The following COL5A1 variants were observed in gnomAD, a reference collection of about 807,000 sequenced individuals.
COL5A1 encodes the protein collagen alpha-1(V) chain.
In COL5A1, 16 loss-of-function variants were observed where a neutral mutation model predicts 263.7. That is an observed-to-expected ratio of 0.06 (90% CI 0.04 to 0.09). COL5A1 has a LOEUF of 0.09. COL5A1 is among the 10% of genes least tolerant of loss of function. The pLI is 1.00. For missense variants in COL5A1, 2,036 were observed against 2,540.5 expected, an observed-to-expected ratio of 0.80 and a Z score of 4.27; for synonymous variants, 1,012 against 1,004.5, an observed-to-expected ratio of 1.01 and a Z score of -0.14.
rs1830103363 is a variant in COL5A1 at position 134,841,571 on chromosome 9, G to A, written c.5371-586G>A. Among the ~76,000 whole-genome samples, 1 of 152,172 alleles carries A rather than the reference G, an allele frequency of 6.6e-6. No individual in the cohort carries two copies. Among genetic ancestry groups the A allele is most frequent in the Non-Finnish European group, 1.5e-5 (1 of 68,028 alleles). On this transcript the variant is annotated intron_variant, in intron 65 of 65. Transcript: ENST00000371817. This position sits in a 1 kb window ranked among gnomAD's most constrained non-coding sequence, Gnocchi z 4.8. Reference sequence around the variant, plus strand: ...CTAAGACTCCTCTAGACCAGATGGTGTGGAAGGTCCCCACCCCTTCCCATA... The same window carrying A: ...CTAAGACTCCTCTAGACCAGATGGTATGGAAGGTCCCCACCCCTTCCCATA...
At chr9:134,770,185 T>A (rs1836824108) in intron 25 of COL5A1, among the ~76,000 whole-genome samples, 1 of 152,268 alleles carries the variant, frequency 6.6e-6, no homozygotes, top group Admixed American at 6.5e-5. Flanking sequence ...TTAAAAATTC[T>A]CCTTTGCAAA....
chr9:134,735,465 G>A (rs1397002450), intron 9 of COL5A1, among the ~76,000 whole-genome samples: 2 of 152,036 alleles, frequency 1.3e-5, no homozygotes, highest in African/African-American at 2.4e-5. Flanking sequence ...AGTGGCGTCC[G>A]TGGTTGGGTG....
Position 134,754,214 on chromosome 9 carries a change from G to T in COL5A1, c.1774-59G>T. 1 of 1,564,050 alleles carries T rather than the reference G, an allele frequency of 6.4e-7. No homozygotes were observed. Among genetic ancestry groups the T allele is most frequent in the Non-Finnish European group, 8.8e-7 (1 of 1,139,290 alleles). On this transcript the variant is annotated intron_variant, in intron 15 of 65. Transcript: ENST00000371817. This position sits in a 1 kb window ranked among gnomAD's most constrained non-coding sequence, Gnocchi z 4.3. Reference sequence around the variant, plus strand: ...TCGATGAGCACAGGGACAAGGCTTTGCTCTTTCTCCTGAGAAAGGCGGACT... The same window carrying T: ...TCGATGAGCACAGGGACAAGGCTTTTCTCTTTCTCCTGAGAAAGGCGGACT...
chr9:134,729,513 AGAGT>A (rs1427609072), intron 6 of COL5A1, among the ~76,000 whole-genome samples: 4 of 114,748 alleles, frequency 3.5e-5, no homozygotes, highest in Non-Finnish European at 5.4e-5. Context: ...CGTGTGTGTG[AGAGT>A]GTGTGTGAGC....
At chr9:134,684,381 C>T (rs1002602119) in intron 1 of COL5A1, among the ~76,000 whole-genome samples, 4 of 152,234 alleles carry the variant, frequency 2.6e-5, no homozygotes, top group African/African-American at 9.6e-5. Flanking sequence ...GCTGCCCTGC[C>T]ATGTCTTCAG....
At position 134,704,288 on chromosome 9, in the gene COL5A1, C is replaced by T. The variant is rs557008440; in HGVS notation, c.654+2955C>T. On this transcript the variant is annotated intron_variant, in intron 4 of 65. Coordinates refer to ENST00000371817, the MANE Select transcript of COL5A1 (RefSeq NM_000093.5). ...CATCTGTAAAATGACAATAATAGTA[C>T]CCGCCGCAGTTTTGTGTGTGTGGGA... 3.9e-5 allele frequency among the ~76,000 whole-genome samples: 6 copies of T among 152,174 alleles called. No homozygotes were observed. The East Asian group carries it at 1.2e-3, about 29-fold the overall frequency.
At chr9:134,655,801 C>T (rs1271754277) in intron 1 of COL5A1, among the ~76,000 whole-genome samples, 1 of 152,146 alleles carries the variant, frequency 6.6e-6, no homozygotes, top group Non-Finnish European at 1.5e-5. Context: ...GGGTGCTGTG[C>T]CCACCAGGCT....
Position 134,730,324 on chromosome 9 carries a change from A to G in COL5A1, c.1013A>G (p.Tyr338Cys). The change falls in exon 7 of 66, where the codon TAT becomes TGT. Residue 338 changes from tyrosine to cysteine, a missense_variant. Physicochemically the swap from Tyr to Cys is radical, Grantham distance 194. Around this residue, in one of 3 missense-constraint regions of COL5A1, gnomAD observed 600 missense variants for 634.5 expected, o/e 0.95. Coordinates refer to ENST00000371817, the MANE Select transcript of COL5A1 (RefSeq NM_000093.5). ...GAAGAGGACGTCGGCATCGGGGACTATGACTACGTGCCCAGTGAGGACTAC... is the reference window on the plus strand; with the variant it reads ...GAAGAGGACGTCGGCATCGGGGACTGTGACTACGTGCCCAGTGAGGACTAC... ...GKEEDVGIGDYDYVPSEDYYT... is the reference protein window; with the variant it reads ...GKEEDVGIGDCDYVPSEDYYT... 1 of 1,614,230 alleles carries G rather than the reference A, an allele frequency of 6.2e-7. No homozygotes were observed. Among genetic ancestry groups the G allele is most frequent in the Non-Finnish European group, 8.5e-7 (1 of 1,180,030 alleles).
At chr9:134,675,682 T>C (rs1564379847) in intron 1 of COL5A1, among the ~76,000 whole-genome samples, 1 of 152,190 alleles carries the variant, frequency 6.6e-6, no homozygotes, top group Non-Finnish European at 1.5e-5. Context: ...AGTGGCTTGT[T>C]TGGGGCTGGG....
At position 134,677,574 on chromosome 9, in the gene COL5A1, G is replaced by T. The variant is rs994756969; in HGVS notation, c.110-13338G>T. On this transcript the variant is annotated intron_variant, in intron 1 of 65. Transcript: ENST00000371817. The surrounding 1 kb of genome is among the most constrained non-coding windows in gnomAD (Gnocchi z 4.4). ...GAGGTTTATCAGCGGGATCTTCGGG[G>T]TGATGACATTCCTTCCCCCATCACT... Among the ~76,000 whole-genome samples the T allele has an allele frequency of 6.6e-6, 1 of 152,172 alleles. No homozygotes were observed. The highest frequency in any genetic ancestry group is 2.4e-5 in the African/African-American group (1 of 41,436).
Position 134,662,005 on chromosome 9 carries a change from G to A in COL5A1, c.109+19709G>A, listed in dbSNP as rs115857996. 7.5e-3 allele frequency among the ~76,000 whole-genome samples: 1,138 copies of A among 152,252 alleles called. 11 individuals carry two copies. The highest frequency in any genetic ancestry group is 0.032 in the East Asian group (164 of 5,170). On this transcript the variant is annotated intron_variant, in intron 1 of 65. Coordinates refer to ENST00000371817, the MANE Select transcript of COL5A1 (RefSeq NM_000093.5). ...CTGGGGCGGTTACTCACGCAGAGGC[G>A]GGAACCTGACTCTGTGCCTGTCTGT...
At chr9:134,782,749 T>A in intron 29 of COL5A1, 29 bp downstream of exon 29, 1 of 1,501,252 alleles carries the variant, frequency 6.7e-7, no homozygotes, top group Non-Finnish European at 9.1e-7. Flanking sequence ...GGATTTGGGC[T>A]GGGGAAAGCT....
intron 11 of COL5A1, among the ~76,000 whole-genome samples, chr9:134,739,817 G>C (rs1346314616): frequency 6.6e-6 from 1 of 152,150 alleles, no homozygotes; most frequent in Non-Finnish European, 1.5e-5. Context: ...CAGGATGCAG[G>C]GGCAGGCGGC....
chr9:134,787,745 C>T (rs35128944), intron 31 of COL5A1, among the ~76,000 whole-genome samples: 5,820 of 152,350 alleles, frequency 0.038, 164 homozygotes, highest in Non-Finnish European at 0.057. Flanking sequence ...GCCAACACAA[C>T]GTGCACGAGG....
chr9:134,830,656 G>C (rs145685698), intron 64 of COL5A1, among the ~76,000 whole-genome samples: 2 of 152,180 alleles, frequency 1.3e-5, no homozygotes, highest in African/African-American at 2.4e-5. Context: ...TCTGCCCACC[G>C]GGCTGCAGAT....
At position 134,843,918 on chromosome 9, in the gene COL5A1, C is replaced by T. The variant is rs1051120692; in HGVS notation, c.*1615C>T. 6.6e-6 allele frequency: 1 copy of T among 152,450 alleles called. No homozygotes were observed. The highest frequency in any genetic ancestry group is 1.5e-5 in the Non-Finnish European group (1 of 68,052). The allele number at this position is 152,450 out of a possible 1,614,324, so 9.4% of individuals were successfully genotyped here. ...CCAGAGCTCGGGGCGGGTGAGGTCC[C>T]CTTTGGGGAACCCTTTCCTGGCCAT... is the stretch of plus-strand genomic sequence containing the variant. On this transcript the variant is annotated 3_prime_UTR_variant, in exon 66 of 66. Coordinates refer to ENST00000371817, the MANE Select transcript of COL5A1 (RefSeq NM_000093.5).
At position 134,742,619 on chromosome 9, in the gene COL5A1, A is replaced by T. The variant is rs1481719380; in HGVS notation, c.1494+3811A>T. Among the ~76,000 whole-genome samples the T allele has an allele frequency of 6.6e-6, 1 of 152,186 alleles. No individual in the cohort carries two copies. The highest frequency in any genetic ancestry group is 6.5e-5 in the Admixed American group (1 of 15,284). ...AACCCAAGAGAGCTGGGAGTCCCCA[A>T]GTGAGCTGCAGGCCAGGTGGCCGTT... On this transcript the variant is annotated intron_variant, in intron 11 of 65. Transcript: ENST00000371817. This position sits in a 1 kb window ranked among gnomAD's most constrained non-coding sequence, Gnocchi z 4.6.
chr9:134,840,380 G>T (rs975706292), intron 65 of COL5A1, among the ~76,000 whole-genome samples: 1 of 152,220 alleles, frequency 6.6e-6, no homozygotes, highest in South Asian at 2.1e-4. Context: ...AGGAACGCAT[G>T]CAGGGAGGTG....
intron 50 of COL5A1, among the ~76,000 whole-genome samples, chr9:134,815,205 G>A (rs1455857319): frequency 2.6e-5 from 4 of 152,242 alleles, no homozygotes; most frequent in Non-Finnish European, 4.4e-5. Flanking sequence ...GCCCTTGGCC[G>A]GCCCTGATTT....
Sources: allele counts gnomAD v4.1 joint callset (sites outside exome capture counted in the v4.1 genomes callset), GRCh38; gene constraint gnomAD v4.1.1; regional missense constraint gnomAD v4.1.1; non-coding constraint Gnocchi (gnomAD v3.1); transcripts MANE v1.5; gene names NCBI Gene and HGNC (gene_info 2026-07-23, HGNC 2026-07-21).